ASPH: variants seen among roughly 807,000 people sequenced by gnomAD.
ASPH encodes aspartyl/asparaginyl beta-hydroxylase.
A neutral mutation model predicts 118.4 loss-of-function variants in ASPH; 100 were observed. That is an observed-to-expected ratio of 0.84 (90% CI 0.72 to 1.00). The LOEUF (loss-of-function observed/expected upper bound fraction) is 1.00, where lower values mean the gene tolerates loss of function less well. ASPH is among the 50% of genes least tolerant of loss of function. ASPH has a pLI of 0.00. For missense variants in ASPH, 920 were observed against 919.5 expected (o/e 1.00, Z -0.01); for synonymous variants, 315 against 325.6 (o/e 0.97, Z 0.35).
chr8:61,637,737 T>G (rs1166842158), intron 12 of ASPH, among the ~76,000 whole-genome samples: 2 of 152,202 alleles, frequency 1.3e-5, no homozygotes, highest in East Asian at 3.9e-4. Flanking sequence ...TCATTGTACT[T>G]CTCATAATCC....
rs980478644 is a variant in ASPH at position 61,503,273 on chromosome 8, G to A, written c.*86C>T. The A allele has an allele frequency of 2.1e-6, 3 of 1,451,786 alleles. No homozygotes were observed. The highest frequency in any genetic ancestry group is 2.2e-5 in the Admixed American group (1 of 46,088). The allele number at this position is 1,451,786 out of a possible 1,614,324, so 89.9% of individuals were successfully genotyped here. ...CAAGTCAAGGGAATTGACTCTTGGT[G>A]TTCGAAATTCTATCCTCACACCCAA... is the stretch of plus-strand genomic sequence containing the variant. On this transcript the variant is annotated 3_prime_UTR_variant, in exon 25 of 25. Coordinates refer to ENST00000379454, the MANE Select transcript of ASPH (RefSeq NM_004318.4).
chr8:61,518,763 C>A (rs1275339537), intron 22 of ASPH, among the ~76,000 whole-genome samples: 1 of 152,184 alleles, frequency 6.6e-6, no homozygotes, highest in East Asian at 1.9e-4. Flanking sequence ...AGACCTTAAT[C>A]TACAGTACAT....
intron 1 of ASPH, among the ~76,000 whole-genome samples, chr8:61,688,678 G>T (rs1329657415): frequency 6.6e-6 from 1 of 152,152 alleles, no homozygotes; most frequent in African/African-American, 2.4e-5. Flanking sequence ...TCATCAAACT[G>T]ATTATTTTTC....
At chr8:61,706,460 G>A (rs1371938943) in intron 1 of ASPH, among the ~76,000 whole-genome samples, 2 of 137,492 alleles carry the variant, frequency 1.5e-5, no homozygotes, top group African/African-American at 2.7e-5. Flanking sequence ...AGAAGAAGGA[G>A]GAAGAGGAAG....
rs80056175 is a variant in ASPH, at chr8:61,629,133, G to C, written c.934+4550C>G. On this transcript the variant is annotated intron_variant, in intron 13 of 24. Transcript: ENST00000379454. ...GCTGGAATACTCAGCAGTGGGATAA[G>C]CTGCAAGTGGTATCTCCATTTTCAA... Among the ~76,000 whole-genome samples, 527 of 152,300 alleles carry C rather than the reference G, an allele frequency of 3.5e-3. 2 individuals carry two copies. The highest frequency in any genetic ancestry group is 0.02 in the Middle Eastern group (6 of 294).
chr8:61,506,073 C>T (rs938878548), intron 24 of ASPH, among the ~76,000 whole-genome samples: 2 of 152,174 alleles, frequency 1.3e-5, no homozygotes, highest in Non-Finnish European at 1.5e-5. Context: ...GAGCCACCCA[C>T]GTATCTATCA....
At position 61,633,698 on chromosome 8, in the gene ASPH, G is replaced by C; in HGVS notation, c.919C>G (p.Gln307Glu). ...EVSIFPVEEQ[Q>E]EVPPETNRKT... ...AATGTCATACCTGGTGGTACTTCCT[G>C]CTGTTCTTCCACAGGAAAAATGCTT... is the stretch of plus-strand genomic sequence containing the variant. The change falls in exon 13 of 25, where the codon CAG becomes GAG. Residue 307 changes from glutamine (Q) to glutamate (E), a missense_variant. By Grantham distance (29) the Gln-to-Glu change is conservative. Transcript: ENST00000379454. 6.3e-7 allele frequency: 1 copy of C among 1,599,388 alleles called. No homozygotes were observed. Among genetic ancestry groups the C allele is most frequent in the Non-Finnish European group, 8.5e-7 (1 of 1,172,756 alleles).
At position 61,684,085 on chromosome 8, in the gene ASPH, A is replaced by C. The variant is rs896322843; in HGVS notation, c.207T>G (p.Ser69=). 1 of 1,613,848 alleles carries C rather than the reference A, an allele frequency of 6.2e-7. No homozygotes were observed. The highest frequency in any genetic ancestry group is 1.3e-5 in the African/African-American group (1 of 75,032). ...CAAGATCAAACCAAACGACAGCTACAGATGTCCAGACGCCCAGCAATGCAA... is the reference window on the plus strand; with the variant it reads ...CAAGATCAAACCAAACGACAGCTACCGATGTCCAGACGCCCAGCAATGCAA... ...MVIALLGVWT[S]VAVVWFDLVD... is the part of the protein sequence containing the mutation. The change falls in exon 2 of 25, where the codon TCT becomes TCG. Residue 69 remains serine, a synonymous_variant. Transcript: ENST00000379454.
At chr8:61,511,538 C>T (rs981242720) in intron 24 of ASPH, among the ~76,000 whole-genome samples, 18 of 152,154 alleles carry the variant, frequency 1.2e-4, no homozygotes, top group African/African-American at 4.1e-4. Flanking sequence ...AATTAATTCC[C>T]ACTTGCTGGG....
At chr8:61,691,132 G>C (rs888694151) in intron 1 of ASPH, among the ~76,000 whole-genome samples, 1 of 152,096 alleles carries the variant, frequency 6.6e-6, no homozygotes, top group Non-Finnish European at 1.5e-5. Context: ...CCTGTTTTAG[G>C]GGCAGTTTTT....
At chr8:61,538,188 T>G (rs985637727) in intron 21 of ASPH, among the ~76,000 whole-genome samples, 1 of 152,194 alleles carries the variant, frequency 6.6e-6, no homozygotes, top group Non-Finnish European at 1.5e-5. Context: ...TTGCCCAAAG[T>G]GTCAGAGCTG....
chr8:61,555,780 T>G, intron 19 of ASPH, 144 bp downstream of exon 19: 1 of 659,394 alleles, frequency 1.5e-6, no homozygotes, highest in Non-Finnish European at 2.5e-6. Context: ...ACGCTGCTTA[T>G]GAATGTCATG....
chr8:61,678,842 ACGTACCTTG>A, intron 3 of ASPH, among the ~76,000 whole-genome samples: 1 of 152,218 alleles, frequency 6.6e-6, no homozygotes, highest in Admixed American at 6.6e-5. Flanking sequence ...TCCAGTGAGA[ACGTACCTTG>A]GAAGTCTGGC....
At chr8:61,556,096 T>C (rs970304737) in intron 18 of ASPH, 74 bp from the exon 19 acceptor site, 4 of 1,289,058 alleles carry the variant, frequency 3.1e-6, no homozygotes, top group Non-Finnish European at 4.4e-6. Context: ...TACAGATGAC[T>C]GTCAAAACCA....
At position 61,714,575 on chromosome 8, in the gene ASPH, G is replaced by T; in HGVS notation, c.-204C>A. The T allele has an allele frequency of 4.0e-6, 3 of 743,984 alleles. No homozygotes were observed. Among genetic ancestry groups the T allele is most frequent in the South Asian group, 4.0e-5 (1 of 24,970 alleles). The allele number at this position is 743,984 out of a possible 1,614,324, so 46.1% of individuals were successfully genotyped here. On this transcript the variant is annotated 5_prime_UTR_variant, in exon 1 of 25. Transcript: ENST00000379454. ...GCCGGCTGCGCGCGCCCGGCCTCGCGTGTACGAACCTGTGACTCCCTCCCG... is the reference window on the plus strand; with the variant it reads ...GCCGGCTGCGCGCGCCCGGCCTCGCTTGTACGAACCTGTGACTCCCTCCCG...
At position 61,653,562 on chromosome 8, in the gene ASPH, G is replaced by C; in HGVS notation, c.415+6C>G. ...GGGCGAGACTCGAGGATGAGGACAA[G>C]CTTACCTGCCTCCACAGGAACCTGC... On this transcript the variant is annotated splice_donor_region_variant and intron_variant, in intron 4 of 24. Transcript: ENST00000379454. The C allele has an allele frequency of 6.2e-7, 1 of 1,613,636 alleles. No individual in the cohort carries two copies. The highest frequency in any genetic ancestry group is 8.5e-7 in the Non-Finnish European group (1 of 1,179,850).
rs532392343 is a variant in ASPH at position 61,609,610 on chromosome 8, C to A, written c.976+9368G>T. On this transcript the variant is annotated intron_variant, in intron 14 of 24. Transcript: ENST00000379454. ...TGTAATAAAATCACTCAAATTAAAACAGAATTTGATTTATTTTCACCATTA... is the reference window on the plus strand; with the variant it reads ...TGTAATAAAATCACTCAAATTAAAAAAGAATTTGATTTATTTTCACCATTA... 2.8e-3 allele frequency among the ~76,000 whole-genome samples: 421 copies of A among 152,118 alleles called. 2 individuals carry two copies. Among genetic ancestry groups the A allele is most frequent in the African/African-American group, 9.8e-3 (405 of 41,412 alleles).
rs149619700 is a variant in ASPH at position 61,518,551 on chromosome 8, T to A, written c.1901-428A>T. ...TTACCCTATATCATAAATAGTTGAT[T>A]AACATATTTTGTATGTTATATGTAT... On this transcript the variant is annotated intron_variant, in intron 22 of 24. Coordinates refer to ENST00000379454, the MANE Select transcript of ASPH (RefSeq NM_004318.4). Among the ~76,000 whole-genome samples, 529 of 152,318 alleles carry A rather than the reference T, an allele frequency of 3.5e-3. 9 individuals carry two copies. Among genetic ancestry groups the A allele is most frequent in the Admixed American group, 0.019 (291 of 15,298 alleles).
chr8:61,642,361 T>A (rs1805554258), intron 10 of ASPH, among the ~76,000 whole-genome samples: 2 of 152,230 alleles, frequency 1.3e-5, no homozygotes, highest in Admixed American at 1.3e-4. Context: ...TGTAACTGCC[T>A]CCTAAGGCAA....
Sources: gnomAD v4.1 joint callset for allele counts (sites outside exome capture counted in the v4.1 genomes callset) on GRCh38, gnomAD v4.1.1 for gene constraint, MANE v1.5 for transcripts, NCBI Gene and HGNC (gene_info 2026-07-23, HGNC 2026-07-21) for gene names.